Variants in RASA3 observed in about 807,000 individuals in gnomAD.
RASA3 encodes RAS p21 protein activator 3, also known as ras GTPase-activating protein 3.
In RASA3, 73 loss-of-function variants were observed where a neutral mutation model predicts 110.0. That is an observed-to-expected ratio of 0.66 (90% CI 0.55 to 0.81). The LOEUF (loss-of-function observed/expected upper bound fraction) is 0.81, where lower values mean the gene tolerates loss of function less well. Ranked by LOEUF, RASA3 falls within the 30% of genes least tolerant of loss-of-function variation. RASA3 has a pLI of 0.00. For synonymous variants in RASA3, 500 were observed against 451.4 expected (o/e 1.11, Z -1.37); for missense variants, 976 against 1,113.2 (o/e 0.88, Z 1.75).
intron 7 of RASA3, among the ~76,000 whole-genome samples, chr13:114,025,365 C>G (rs2054008133): frequency 6.6e-6 from 1 of 152,264 alleles, no homozygotes; most frequent in Non-Finnish European, 1.5e-5. Flanking sequence ...TTGCTTCCCC[C>G]CAACTTCCCC....
chr13:114,020,876 C>T (rs1344263202), intron 9 of RASA3, among the ~76,000 whole-genome samples: 7 of 152,190 alleles, frequency 4.6e-5, no homozygotes, highest in East Asian at 3.9e-4. Context: ...GCAGCCGCGG[C>T]GCAGCCCTGC....
intron 1 of RASA3, among the ~76,000 whole-genome samples, chr13:114,081,180 C>T (rs927941785): frequency 6.8e-6 from 1 of 146,000 alleles, no homozygotes; most frequent in Admixed American, 7.1e-5. Context: ...ACCCTCCTCT[C>T]GTGCTTGGTG....
intron 1 of RASA3, among the ~76,000 whole-genome samples, chr13:114,081,986 C>A (rs1270454209): frequency 6.6e-6 from 1 of 152,222 alleles, no homozygotes; most frequent in Non-Finnish European, 1.5e-5. Flanking sequence ...AGGAGAGCTT[C>A]TCACAGGACA....
intron 2 of RASA3, among the ~76,000 whole-genome samples, chr13:114,052,507 G>A (rs1420382592): frequency 6.6e-6 from 1 of 152,188 alleles, no homozygotes; most frequent in African/African-American, 2.4e-5. Flanking sequence ...AAGGTACCTG[G>A]TTTGGGGCAG....
chr13:114,122,970 CG>C (rs1388851634), intron 1 of RASA3, among the ~76,000 whole-genome samples: 2 of 151,924 alleles, frequency 1.3e-5, no homozygotes, highest in African/African-American at 4.8e-5. Flanking sequence ...AGCGATTCCA[CG>C]AGCCACAAAA....
intron 1 of RASA3, among the ~76,000 whole-genome samples, chr13:114,105,533 G>A (rs1435101589): frequency 6.6e-6 from 1 of 152,112 alleles, no homozygotes; most frequent in Non-Finnish European, 1.5e-5. Context: ...TCCAGCACGG[G>A]GACAGGGACC....
At position 114,112,101 on chromosome 13, in the gene RASA3, C is replaced by CCCT. The variant is rs1555343908; in HGVS notation, c.55+20333_55+20334insAGG. On this transcript the variant is annotated intron_variant, in intron 1 of 23. Coordinates refer to ENST00000334062, the MANE Select transcript of RASA3 (RefSeq NM_007368.4). The surrounding 1 kb of genome is among the most constrained non-coding windows in gnomAD (Gnocchi z 4.8). ...CCTGGAAACAGCAGCCCCCAGGCAC[C>CCCT]CCCCCCAGCAACTGGGACAAGGGCA... Among the ~76,000 whole-genome samples the CCCT allele has an allele frequency of 1.3e-5, 2 of 151,662 alleles. No homozygotes were observed. The highest frequency in any genetic ancestry group is 6.6e-5 in the Admixed American group (1 of 15,220).
chr13:114,042,025 G>T (rs759663857), intron 3 of RASA3, among the ~76,000 whole-genome samples: 1 of 152,236 alleles, frequency 6.6e-6, no homozygotes, highest in African/African-American at 2.4e-5. Flanking sequence ...TTGGGGCTAC[G>T]CTTCCAGTGA....
chr13:114,018,789 G>C lies in RASA3; in HGVS notation c.916C>G (p.Leu306Val), dbSNP rs777274968. The C allele has an allele frequency of 6.2e-7, 1 of 1,613,508 alleles. No homozygotes were observed. Among genetic ancestry groups the C allele is most frequent in the South Asian group, 1.1e-5 (1 of 91,092 alleles). ...TCCACATCCGCAGACTTCAACAGCA[G>C]GTCCCGCAGAGGGCTGTAATAGTCA... Reference protein sequence around the residue: ...SSDYYSPLRDLLLKSADVEPV... With the variant: ...SSDYYSPLRDVLLKSADVEPV... The change falls in exon 10 of 24, where the codon CTG becomes GTG. Residue 306 changes from leucine to valine, a missense_variant. This residue lies in a region of RASA3 where 732 missense variants were observed against 779.7 expected (regional missense o/e 0.94). Transcript: ENST00000334062.
Position 114,132,529 on chromosome 13 carries a change from C to T in RASA3, c.-40G>A, listed in dbSNP as rs760271600. The stretch of plus-strand genomic sequence containing the variant: ...CCCGCCGAGCCTCGCCCCAAGCGCG[C>T]GCCGAGCCCGGGCAGCTCAGGCCGA... On this transcript the variant is annotated 5_prime_UTR_variant, in exon 1 of 24. Transcript: ENST00000334062. 2.8e-6 allele frequency: 4 copies of T among 1,443,986 alleles called. No homozygotes were observed. In the South Asian group the frequency reaches 4.0e-5, roughly 15 times the overall value. The allele number at this position is 1,443,986 out of a possible 1,614,324, so 89.4% of individuals were successfully genotyped here. A position where few individuals can be genotyped will look rare whatever the true frequency, so the allele number is the denominator to read the frequency against.
intron 20 of RASA3, 102 bp downstream of exon 20, chr13:113,999,483 G>A: frequency 1.1e-6 from 1 of 881,884 alleles, no homozygotes. Flanking sequence ...CTGGAGTGCA[G>A]TGGGTGGGGA....
At chr13:114,032,204 G>A (rs1426524889) in intron 4 of RASA3, among the ~76,000 whole-genome samples, 4 of 152,054 alleles carry the variant, frequency 2.6e-5, no homozygotes, top group Non-Finnish European at 5.9e-5. Flanking sequence ...ATGCAGGGGG[G>A]ATCACAGGCC....
intron 1 of RASA3, among the ~76,000 whole-genome samples, chr13:114,126,766 T>C (rs1251707154): frequency 6.6e-6 from 1 of 152,252 alleles, no homozygotes; most frequent in African/African-American, 2.4e-5. Flanking sequence ...CTGGTGCATC[T>C]AAGTCCCATT....
chr13:114,111,129 A>G (rs2080214470), intron 1 of RASA3, among the ~76,000 whole-genome samples: 1 of 88,074 alleles, frequency 1.1e-5, no homozygotes, highest in Non-Finnish European at 2.6e-5. Flanking sequence ...GCCGAGTTCT[A>G]ACGGGCTGAG....
intron 1 of RASA3, among the ~76,000 whole-genome samples, chr13:114,094,323 CAA>C (rs558395285): frequency 3.3e-5 from 5 of 152,174 alleles, no homozygotes; most frequent in Non-Finnish European, 5.9e-5. Context: ...CAAATCAAAA[CAA>C]ACACGAATGT....
intron 1 of RASA3, among the ~76,000 whole-genome samples, chr13:114,087,322 G>A (rs2079833051): frequency 6.6e-6 from 1 of 152,258 alleles, no homozygotes; most frequent in South Asian, 2.1e-4. Flanking sequence ...CTTCGTCCTT[G>A]TGGGGAAATC....
In RASA3 at chr13:114,112,617, C is replaced by A. The variant is rs1364805286; in HGVS notation, c.55+19818G>T. Among the ~76,000 whole-genome samples the A allele has an allele frequency of 6.6e-6, 1 of 151,958 alleles. No individual in the cohort carries two copies. Among genetic ancestry groups the A allele is most frequent in the Non-Finnish European group, 1.5e-5 (1 of 67,986 alleles). ...TATGGGGACCCCGCTAGGAGAGCCC[C>A]GGGTTAAGGGTTGGTAACTGGAGAA... On this transcript the variant is annotated intron_variant, in intron 1 of 23. Transcript: ENST00000334062. The surrounding 1 kb of genome is among the most constrained non-coding windows in gnomAD (Gnocchi z 4.8).
intron 18 of RASA3, among the ~76,000 whole-genome samples, chr13:114,004,065 G>A (rs2053461218): frequency 6.6e-6 from 1 of 152,206 alleles, no homozygotes; most frequent in African/African-American, 2.4e-5. Flanking sequence ...TATTGCAAAT[G>A]TTATTGGTTA....
chr13:114,028,592 TGGGGCAACCTCTAAAACGGCATCATCCTG>T (rs2054081029), intron 5 of RASA3, among the ~76,000 whole-genome samples: 1 of 143,186 alleles, frequency 7.0e-6, no homozygotes, highest in Non-Finnish European at 1.5e-5. Flanking sequence ...AGCATCATCC[TGGGGCAACCTCTAAAACGGCATCATCCTG>T]GGGGCCAGGA....
Sources: allele counts gnomAD v4.1 joint callset (sites outside exome capture counted in the v4.1 genomes callset), GRCh38; gene constraint gnomAD v4.1.1; regional missense constraint gnomAD v4.1.1; non-coding constraint Gnocchi (gnomAD v3.1); transcripts MANE v1.5; gene names NCBI Gene and HGNC (gene_info 2026-07-23, HGNC 2026-07-21).